The following CACNA2D3 variants were observed in gnomAD, a reference collection of about 807,000 sequenced individuals.
CACNA2D3 encodes the protein voltage-dependent calcium channel subunit alpha-2/delta-3.
In CACNA2D3, 60 loss-of-function variants were observed where a neutral mutation model predicts 160.6. The observed-to-expected ratio is 0.37, with a 90% CI of 0.30 to 0.46. The LOEUF (loss-of-function observed/expected upper bound fraction) is 0.46, where lower values mean the gene tolerates loss of function less well. Ranked by LOEUF, CACNA2D3 falls within the 20% of genes least tolerant of loss-of-function variation. The pLI is 1.00. For missense variants in CACNA2D3, 1,205 were observed against 1,365.0 expected (o/e 0.88, Z 1.85); for synonymous variants, 558 against 492.9 (o/e 1.13, Z -1.75).
At chr3:54,216,199 C>T (rs1338033117) in intron 2 of CACNA2D3, among the ~76,000 whole-genome samples, 1 of 152,110 alleles carries the variant, frequency 6.6e-6, no homozygotes, top group East Asian at 1.9e-4. Flanking sequence ...AGAAGCCTGA[C>T]ACCCACTCTT....
intron 27 of CACNA2D3, among the ~76,000 whole-genome samples, chr3:54,905,140 ATTC>A (rs1700425672): frequency 6.6e-6 from 1 of 152,192 alleles, no homozygotes; most frequent in Non-Finnish European, 1.5e-5. Context: ...AAATTATAAA[ATTC>A]AATGAATTTT....
chr3:55,006,640 C>T (rs760860345), intron 32 of CACNA2D3, among the ~76,000 whole-genome samples: 15 of 152,148 alleles, frequency 9.9e-5, no homozygotes, highest in Non-Finnish European at 2.2e-4. Context: ...CTCGGTTGAA[C>T]CAGAGCAAGA....
At chr3:54,265,565 GTA>G (rs67570750) in intron 2 of CACNA2D3, among the ~76,000 whole-genome samples, 107 of 139,552 alleles carry the variant, frequency 7.7e-4, no homozygotes, top group African/African-American at 2.9e-3. Flanking sequence ...TGTATAGTGT[GTA>G]TATATATAGT....
At position 54,728,283 on chromosome 3, in the gene CACNA2D3, C is replaced by G. The variant is rs1361670763; in HGVS notation, c.1168-24316C>G. On this transcript the variant is annotated intron_variant, in intron 11 of 37. Coordinates refer to ENST00000474759, the MANE Select transcript of CACNA2D3 (RefSeq NM_018398.3). The stretch of plus-strand genomic sequence containing the variant: ...TCTTCTTTGTTGTCTAGTTTTTTCT[C>G]TATACAGTTCGACCTGGATATTTCT... 7.2e-5 allele frequency among the ~76,000 whole-genome samples: 11 copies of G among 152,218 alleles called. No homozygotes were observed. The East Asian group carries it at 1.9e-3, about 27-fold the overall frequency.
intron 3 of CACNA2D3, among the ~76,000 whole-genome samples, chr3:54,349,614 A>C (rs1443104803): frequency 6.6e-6 from 1 of 152,056 alleles, no homozygotes; most frequent in Non-Finnish European, 1.5e-5. Context: ...TTATCTATAC[A>C]ATCACCCACA....
chr3:54,841,185 A>T (rs1307130275), intron 16 of CACNA2D3, among the ~76,000 whole-genome samples: 1 of 152,258 alleles, frequency 6.6e-6, no homozygotes, highest in African/African-American at 2.4e-5. Context: ...AGTACTTTAC[A>T]TGCATTATTC....
chr3:54,829,885 CTTTTTTTTT>C lies in CACNA2D3; in HGVS notation c.1399-7255_1399-7247del, dbSNP rs58291013. Among the ~76,000 whole-genome samples the C allele has an allele frequency of 4.5e-3, 292 of 64,354 alleles. 1 individual carries two copies. The highest frequency in any genetic ancestry group is 0.015 in the African/African-American group (243 of 15,844). The allele number at this position is 64,354 out of a possible 152,430, so 42.2% of individuals were successfully genotyped here. On this transcript the variant is annotated intron_variant, in intron 14 of 37. Coordinates refer to ENST00000474759, the MANE Select transcript of CACNA2D3 (RefSeq NM_018398.3). Reference sequence around the variant, plus strand: ...CATATCTTTTCTTCTTCTTCTTCATCTTTTTTTTTTTTTTTTTTTTTTTTTTTGAGATGG... The same window carrying C: ...CATATCTTTTCTTCTTCTTCTTCATCTTTTTTTTTTTTTTTTTTGAGATGG...
intron 3 of CACNA2D3, among the ~76,000 whole-genome samples, chr3:54,351,245 G>C (rs1698560313): frequency 6.6e-6 from 1 of 152,014 alleles, no homozygotes; most frequent in Admixed American, 6.6e-5. Context: ...GCCTTCCAAA[G>C]TGCTGGGATT....
intron 11 of CACNA2D3, among the ~76,000 whole-genome samples, chr3:54,749,863 A>G (rs1030854810): frequency 6.6e-6 from 1 of 152,202 alleles, no homozygotes; most frequent in South Asian, 2.1e-4. Flanking sequence ...CATACAAACC[A>G]ATGAAACAAA....
chr3:54,550,846 C>T (rs1224417271), intron 5 of CACNA2D3, among the ~76,000 whole-genome samples: 6 of 152,108 alleles, frequency 3.9e-5, no homozygotes, highest in Non-Finnish European at 8.8e-5. Flanking sequence ...TGGCACAGCA[C>T]CTGCCTTCAG....
At chr3:54,563,530 G>T (rs1045735905) in intron 6 of CACNA2D3, among the ~76,000 whole-genome samples, 4 of 152,304 alleles carry the variant, frequency 2.6e-5, no homozygotes, top group Admixed American at 2.0e-4. Flanking sequence ...TTTGGAACAG[G>T]TGTTCCTTCT....
At chr3:54,253,252 A>T (rs192285103) in intron 2 of CACNA2D3, among the ~76,000 whole-genome samples, 1 of 152,080 alleles carries the variant, frequency 6.6e-6, no homozygotes, top group Non-Finnish European at 1.5e-5. Flanking sequence ...TCACCTTGCT[A>T]TAAAGAAATA....
At chr3:54,383,432 A>G (rs1199646330) in intron 3 of CACNA2D3, among the ~76,000 whole-genome samples, 1 of 152,174 alleles carries the variant, frequency 6.6e-6, no homozygotes, top group East Asian at 1.9e-4. Context: ...CCATTCAAAG[A>G]GCTCCCTTCT....
chr3:54,137,190 A>G (rs1472881854), intron 2 of CACNA2D3, among the ~76,000 whole-genome samples: 3 of 152,226 alleles, frequency 2.0e-5, no homozygotes, highest in Non-Finnish European at 4.4e-5. Context: ...GGGCGGCATG[A>G]ATGGAGATTT....
At chr3:54,743,487 G>A (rs182872567) in intron 11 of CACNA2D3, among the ~76,000 whole-genome samples, 1 of 152,268 alleles carries the variant, frequency 6.6e-6, no homozygotes, top group African/African-American at 2.4e-5. Context: ...TAGGAGTTTA[G>A]AATGTATTCC....
intron 5 of CACNA2D3, among the ~76,000 whole-genome samples, chr3:54,506,446 G>A (rs1264742977): frequency 6.6e-6 from 1 of 152,148 alleles, no homozygotes; most frequent in Non-Finnish European, 1.5e-5. Flanking sequence ...ATAATTTTTA[G>A]TTCTAGATGA....
At chr3:54,717,888 CGT>C (rs1428210529) in intron 11 of CACNA2D3, among the ~76,000 whole-genome samples, 1 of 149,750 alleles carries the variant, frequency 6.7e-6, no homozygotes, top group Non-Finnish European at 1.5e-5. Context: ...GGTGTGTGTG[CGT>C]GTGTGTGTTC....
chr3:55,073,436 T>C lies in CACNA2D3; in HGVS notation c.2988-9T>C. On this transcript the variant is annotated splice_polypyrimidine_tract_variant and intron_variant, in intron 35 of 37. Transcript: ENST00000474759. ...TAAATGACTGCCTCGCTACCTCTTG[T>C]TCCAACAGGTCCTTTGTCATCCAGC... is the stretch of plus-strand genomic sequence containing the variant. The C allele has an allele frequency of 1.2e-6, 2 of 1,600,956 alleles. No homozygotes were observed. Among genetic ancestry groups the C allele is most frequent in the Non-Finnish European group, 1.7e-6 (2 of 1,167,978 alleles).
chr3:54,750,683 A>G (rs2107064519), intron 11 of CACNA2D3, among the ~76,000 whole-genome samples: 1 of 150,894 alleles, frequency 6.6e-6, no homozygotes, highest in South Asian at 2.1e-4. Flanking sequence ...TTAAGTGCCG[A>G]CAGTGGACAG....
Sources: gnomAD v4.1 joint callset for allele counts (sites outside exome capture counted in the v4.1 genomes callset) on GRCh38, gnomAD v4.1.1 for gene constraint, MANE v1.5 for transcripts, NCBI Gene and HGNC (gene_info 2026-07-23, HGNC 2026-07-21) for gene names.